Variants in MED27 observed in about 807,000 individuals in gnomAD.
The protein encoded by MED27 is mediator of RNA polymerase II transcription subunit 27.
In MED27, 30 loss-of-function variants were observed where a neutral mutation model predicts 38.2. The observed-to-expected ratio is 0.79, with a 90% CI of 0.59 to 1.07. The LOEUF is 1.07. Ranked by LOEUF, MED27 falls within the 50% of genes least tolerant of loss-of-function variation. The pLI is 0.00. For synonymous variants in MED27, 122 were observed against 153.5 expected (o/e 0.79, Z 1.52); for missense variants, 289 against 397.5 (o/e 0.73, Z 2.32).
At position 132,079,864 on chromosome 9, in the gene MED27, C is replaced by G; in HGVS notation, c.-20G>C. ...CGCCATGTTGCCGCCGCCACAGCAG[C>G]TCTCCAAAGCCGGCTTCGCAAGCAA... On this transcript the variant is annotated 5_prime_UTR_variant, in exon 1 of 8. Transcript: ENST00000292035. The G allele has an allele frequency of 6.4e-7, 1 of 1,560,126 alleles. No individual in the cohort carries two copies. The highest frequency in any genetic ancestry group is 8.7e-7 in the Non-Finnish European group (1 of 1,150,014).
intron 2 of MED27, among the ~76,000 whole-genome samples, chr9:132,041,049 C>T (rs1313563753): frequency 6.6e-6 from 1 of 152,128 alleles, no homozygotes; most frequent in Non-Finnish European, 1.5e-5. Context: ...CAGACCACAC[C>T]ACGGGCAGCA....
At chr9:132,060,790 A>G (rs1833681487) in intron 2 of MED27, among the ~76,000 whole-genome samples, 1 of 152,186 alleles carries the variant, frequency 6.6e-6, no homozygotes, top group Admixed American at 6.5e-5. Context: ...CTCTACTAAA[A>G]ATACAAAAAT....
intron 4 of MED27, 49 bp from the exon 5 acceptor site, chr9:131,894,041 G>T: frequency 6.8e-7 from 1 of 1,475,020 alleles, no homozygotes; most frequent in Non-Finnish European, 9.5e-7. Context: ...ATCACACAAA[G>T]TTGGGCAGGG....
chr9:132,054,344 G>A lies in MED27; in HGVS notation c.348+23098C>T, dbSNP rs777718527. 2.0e-5 allele frequency among the ~76,000 whole-genome samples: 3 copies of A among 152,180 alleles called. No homozygotes were observed. The South Asian group carries it at 6.2e-4, about 32-fold the overall frequency. On this transcript the variant is annotated intron_variant, in intron 2 of 7. Transcript: ENST00000292035. Reference sequence around the variant, plus strand: ...TCCGCCATAAGTAAGAGCTCCCTGAGGCCTCCCCAGAAGCCCAGAAGCTCA... The same window carrying A: ...TCCGCCATAAGTAAGAGCTCCCTGAAGCCTCCCCAGAAGCCCAGAAGCTCA...
intron 5 of MED27, among the ~76,000 whole-genome samples, chr9:131,884,605 C>CTTTTTT (rs11331082): frequency 8.2e-5 from 10 of 122,680 alleles, no homozygotes; most frequent in African/African-American, 3.2e-4. Context: ...ATTCTCTTTA[C>CTTTTTT]TTTTTTTTTT....
intron 4 of MED27, among the ~76,000 whole-genome samples, chr9:131,914,532 T>C (rs184619080): frequency 6.6e-6 from 1 of 152,318 alleles, no homozygotes; most frequent in Non-Finnish European, 1.5e-5. Flanking sequence ...CGTTGTACAC[T>C]GAGGATACAG....
chr9:131,863,236 C>A, intron 6 of MED27, 96 bp from the exon 7 acceptor site: 1 of 965,792 alleles, frequency 1.0e-6, no homozygotes. Flanking sequence ...GAAAACAGAT[C>A]TGAGTATCTC....
chr9:132,014,581 A>T, intron 2 of MED27, 114 bp from the exon 3 acceptor site: 6 of 1,018,164 alleles, frequency 5.9e-6, no homozygotes, highest in Non-Finnish European at 8.3e-6. Context: ...CATTTTAAGT[A>T]ACTTCAAATA....
chr9:132,028,672 C>A lies in MED27; in HGVS notation c.349-14205G>T, dbSNP rs1832881744. On this transcript the variant is annotated intron_variant, in intron 2 of 7. Transcript: ENST00000292035. ...TAGTAGACAATTGGGGGAGAGGTGTCATTGGAGATACCGAACAGGGGAGTG... is the reference window on the plus strand; with the variant it reads ...TAGTAGACAATTGGGGGAGAGGTGTAATTGGAGATACCGAACAGGGGAGTG... Among the ~76,000 whole-genome samples the A allele has an allele frequency of 2.6e-5, 4 of 152,250 alleles. No homozygotes were observed. The South Asian group carries it at 8.3e-4, about 32-fold the overall frequency.
At chr9:131,937,983 G>GA (rs1228122321) in intron 4 of MED27, among the ~76,000 whole-genome samples, 3 of 152,008 alleles carry the variant, frequency 2.0e-5, no homozygotes, top group African/African-American at 7.3e-5. Flanking sequence ...CCTTTTCTAT[G>GA]AAAAAAACAT....
intron 4 of MED27, among the ~76,000 whole-genome samples, chr9:131,929,189 C>T (rs576160551): frequency 6.6e-6 from 1 of 152,216 alleles, no homozygotes; most frequent in East Asian, 1.9e-4. Context: ...GACCAAAGGG[C>T]CCTTGGGCCC....
At chr9:131,942,116 T>C (rs1589224847) in intron 3 of MED27, among the ~76,000 whole-genome samples, 1 of 152,236 alleles carries the variant, frequency 6.6e-6, no homozygotes, top group African/African-American at 2.4e-5. Context: ...TGAACCACCG[T>C]GCCCAGCCTC....
At chr9:132,066,176 G>C (rs879377282) in intron 2 of MED27, among the ~76,000 whole-genome samples, 1 of 152,246 alleles carries the variant, frequency 6.6e-6, no homozygotes, top group East Asian at 1.9e-4. Context: ...TGTGGTCAGC[G>C]TGACTGCCCA....
chr9:131,946,715 G>A (rs1034246745), intron 3 of MED27, among the ~76,000 whole-genome samples: 16 of 152,268 alleles, frequency 1.1e-4, no homozygotes, highest in East Asian at 3.9e-4. Context: ...CTTCTTCCAC[G>A]TCCCTGAGCA....
intron 3 of MED27, among the ~76,000 whole-genome samples, chr9:131,973,056 A>G (rs1831515560): frequency 6.6e-6 from 1 of 152,282 alleles, no homozygotes; most frequent in Non-Finnish European, 1.5e-5. Context: ...TGCTCAGAGC[A>G]GGAAGATAAC....
chr9:132,070,891 T>C (rs1289101509), intron 2 of MED27, among the ~76,000 whole-genome samples: 1 of 151,012 alleles, frequency 6.6e-6, no homozygotes, highest in Non-Finnish European at 1.5e-5. Context: ...AATGTGTGAA[T>C]TGCTGTCTCA....
intron 3 of MED27, among the ~76,000 whole-genome samples, chr9:131,992,433 G>A (rs966477113): frequency 6.6e-6 from 1 of 152,120 alleles, no homozygotes; most frequent in Non-Finnish European, 1.5e-5. Flanking sequence ...TCACTCTGTT[G>A]CCCAGGCTGG....
chr9:131,861,727 C>G lies in MED27; in HGVS notation c.802-1055G>C, dbSNP rs145890560. On this transcript the variant is annotated intron_variant, in intron 7 of 7. Coordinates refer to ENST00000292035, the MANE Select transcript of MED27 (RefSeq NM_004269.4). The surrounding 1 kb of genome is among the most constrained non-coding windows in gnomAD (Gnocchi z 4.4). ...ATTCGTATTAATTAGCTGGTGTGGG[C>G]TGAGCACAGTGCTGAGTGCTGTGAC... Among the ~76,000 whole-genome samples the G allele has an allele frequency of 1.3e-3, 195 of 151,824 alleles. 5 individuals are homozygous for G. In the East Asian group the frequency reaches 0.02, roughly 15 times the overall value.
intron 2 of MED27, among the ~76,000 whole-genome samples, chr9:132,052,830 A>G (rs953941057): frequency 6.6e-6 from 1 of 152,204 alleles, no homozygotes; most frequent in Non-Finnish European, 1.5e-5. Flanking sequence ...ATGCTGTTGT[A>G]AAAAACATAA....
Sources: gnomAD v4.1 joint callset for allele counts (sites outside exome capture counted in the v4.1 genomes callset) on GRCh38, gnomAD v4.1.1 for gene constraint, Gnocchi (gnomAD v3.1) non-coding constraint, MANE v1.5 for transcripts, NCBI Gene and HGNC (gene_info 2026-07-23, HGNC 2026-07-21) for gene names.